Variants in FREM1 observed in about 807,000 individuals in gnomAD.
The protein encoded by FREM1 is FRAS1 related extracellular matrix 1.
In FREM1, 220 loss-of-function variants were observed where a neutral mutation model predicts 210.1. The observed-to-expected ratio is 1.05, with a 90% CI of 0.94 to 1.17. FREM1 has a LOEUF of 1.17. Ranked by LOEUF, FREM1 falls within the 50% of genes most tolerant of loss-of-function variation. FREM1 has a pLI of 0.00. For missense variants in FREM1, 3,454 were observed against 2,675.5 expected (o/e 1.29, Z -6.42); for synonymous variants, 1,189 against 980.2 (o/e 1.21, Z -3.98).
In FREM1 at chr9:14,784,592, C is replaced by T. The variant is rs1284095682; in HGVS notation, c.4220G>A (p.Gly1407Asp). ...GGTGGTTGTTAAGAAACCTCTATCA[C>T]CTTTAGACACCACGAGTGGTTTTGT... The part of the protein sequence containing the change: ...ILTKPLVVSK[G>D]DRGFLTTTTL... The change falls in exon 24 of 37, where the codon GGT becomes GAT. Residue 1407 changes from glycine to aspartate, a missense_variant. Coordinates refer to ENST00000380880, the MANE Select transcript of FREM1 (RefSeq NM_001379081.2). The T allele has an allele frequency of 4.4e-6, 7 of 1,605,706 alleles. No individual in the cohort carries two copies. Among genetic ancestry groups the T allele is most frequent in the Non-Finnish European group, 6.0e-6 (7 of 1,175,446 alleles).
intron 3 of FREM1, among the ~76,000 whole-genome samples, chr9:14,861,503 CTTTTT>C (rs775845478): frequency 6.1e-5 from 7 of 114,894 alleles, no homozygotes; most frequent in African/African-American, 2.3e-4. Flanking sequence ...AGCATTTATC[CTTTTT>C]TTTTTTTTTT....
rs186402410 is a variant in FREM1, at chr9:14,829,841, T to C, written c.1882-4849A>G. On this transcript the variant is annotated intron_variant, in intron 10 of 36. Coordinates refer to ENST00000380880, the MANE Select transcript of FREM1 (RefSeq NM_001379081.2). ...ACTTGGTAGACAGCTTTATAGACCTTAAGCCTTAAGAGATCTTAATCCAGG... is the reference window on the plus strand; with the variant it reads ...ACTTGGTAGACAGCTTTATAGACCTCAAGCCTTAAGAGATCTTAATCCAGG... Among the ~76,000 whole-genome samples, 4 of 152,270 alleles carry C rather than the reference T, an allele frequency of 2.6e-5. No individual in the cohort carries two copies. The East Asian group carries it at 7.7e-4, about 29-fold the overall frequency.
At chr9:14,794,362 C>T (rs925802820) in intron 21 of FREM1, among the ~76,000 whole-genome samples, 1 of 152,154 alleles carries the variant, frequency 6.6e-6, no homozygotes, top group Admixed American at 6.5e-5. Context: ...GAAGCTGGAG[C>T]ATTTATCTTA....
At chr9:14,833,309 C>T (rs1823923184) in intron 10 of FREM1, among the ~76,000 whole-genome samples, 3 of 152,224 alleles carry the variant, frequency 2.0e-5, no homozygotes. Flanking sequence ...TTGGTCTTCC[C>T]CAGGCAAGAG....
chr9:14,846,395 C>A (rs1717514038), intron 7 of FREM1, among the ~76,000 whole-genome samples: 1 of 152,044 alleles, frequency 6.6e-6, no homozygotes, highest in African/African-American at 2.4e-5. Flanking sequence ...AGCATTAGGA[C>A]AAATATCTAA....
rs373880888 is a variant in FREM1 at position 14,770,723 on chromosome 9, G to T, written c.4941C>A (p.Tyr1647Ter). 1.9e-6 allele frequency: 3 copies of T among 1,613,340 alleles called. No homozygotes were observed. The highest frequency in any genetic ancestry group is 3.3e-5 in the Admixed American group (2 of 59,978). ...ACACGCGGGAAGTGATGTAAATCCC[G>T]TAGCAGCCATTTTTCAGGAGCCCCA... ...SQVGLLKNGCYGIYITSRVLK... is the reference protein window; with the variant it reads ...SQVGLLKNGC The change falls in exon 26 of 37, where the codon TAC becomes TAA. Residue 1647 changes from tyrosine to a stop codon, truncating the protein, a stop_gained. Coordinates refer to ENST00000380880, the MANE Select transcript of FREM1 (RefSeq NM_001379081.2). LOFTEE classifies it high-confidence loss of function.
chr9:14,776,296 G>T (rs1848564725), intron 24 of FREM1, 93 bp from the exon 25 acceptor site: 10 of 1,357,656 alleles, frequency 7.4e-6, no homozygotes, highest in Middle Eastern at 1.9e-4. Flanking sequence ...TTACTAAAGG[G>T]TATTGTCGTG....
intron 15 of FREM1, among the ~76,000 whole-genome samples, chr9:14,814,897 A>C (rs1409811494): frequency 1.3e-5 from 2 of 152,202 alleles, no homozygotes; most frequent in Non-Finnish European, 2.9e-5. Flanking sequence ...TGTTTTCCCA[A>C]AATGCACTGC....
intron 8 of FREM1, among the ~76,000 whole-genome samples, chr9:14,843,695 A>T (rs1216251495): frequency 7.2e-5 from 11 of 151,866 alleles, no homozygotes; most frequent in Non-Finnish European, 1.3e-4. Context: ...ACCATCTTAC[A>T]TGGCAGCAGT....
At chr9:14,827,205 C>T (rs959183577) in intron 10 of FREM1, among the ~76,000 whole-genome samples, 1 of 152,078 alleles carries the variant, frequency 6.6e-6, no homozygotes, top group African/African-American at 2.4e-5. Context: ...TAGAGATTAC[C>T]TAAGTGGTCA....
Position 14,859,298 on chromosome 9 carries a change from G to A in FREM1, c.516C>T (p.Thr172=), listed in dbSNP as rs41265310. 0.018 allele frequency: 28,592 copies of A among 1,613,684 alleles called. 339 individuals are homozygous for A. Among genetic ancestry groups the A allele is most frequent in the South Asian group, 0.033 (3,040 of 91,058 alleles). Residue 172 remains threonine (T), a synonymous_variant, in exon 4 of 37, where the codon ACC becomes ACT. Transcript: ENST00000380880. ...GAGTTCTCGCAGTGTCCAGGCTGAC[G>A]GTACATTCCAGGCTAGCCATCCTAT... ...DYDRMASLEC[T]VSLDTARTRL...
rs1435685319 is a variant in FREM1, at chr9:14,836,675, C to T, written c.1881+4772G>A. On this transcript the variant is annotated intron_variant, in intron 10 of 36. Transcript: ENST00000380880. This position sits in a 1 kb window ranked among gnomAD's most constrained non-coding sequence, Gnocchi z 4.9. ...CTATGACTCAAATTGTTTCTTCTCG[C>T]CTAAAAGCAATCAAACTCCAAATGG... Among the ~76,000 whole-genome samples, 2 of 152,150 alleles carry T rather than the reference C, an allele frequency of 1.3e-5. No individual in the cohort carries two copies. The highest frequency in any genetic ancestry group is 2.9e-5 in the Non-Finnish European group (2 of 68,026).
chr9:14,909,846 T>G (rs1433975005), intron 1 of FREM1, 68 bp downstream of exon 1: 1 of 152,204 alleles, frequency 6.6e-6, no homozygotes, highest in Non-Finnish European at 1.5e-5. Context: ...ACAAACAATC[T>G]CTGGGGCATT....
At chr9:14,813,094 G>A (rs758085025) in intron 15 of FREM1, 30 bp from the exon 16 acceptor site, 11 of 1,574,510 alleles carry the variant, frequency 7.0e-6, no homozygotes, top group African/African-American at 1.4e-5. Flanking sequence ...CATGTTTTCA[G>A]AAAAAGAAAG....
At chr9:14,777,123 A>T (rs562922469) in intron 24 of FREM1, among the ~76,000 whole-genome samples, 1 of 152,306 alleles carries the variant, frequency 6.6e-6, no homozygotes, top group South Asian at 2.1e-4. Flanking sequence ...GTGCCTGAGC[A>T]CCATTGCAAA....
intron 4 of FREM1, 46 bp downstream of exon 4, chr9:14,859,137 T>C (rs1829334562): frequency 6.9e-7 from 1 of 1,452,940 alleles, no homozygotes; most frequent in Non-Finnish European, 9.3e-7. Flanking sequence ...ATGGATATTT[T>C]TGTCAGTTTT....
At position 14,759,518 on chromosome 9, in the gene FREM1, C is replaced by CAATAAT. The variant is rs6150928; in HGVS notation, c.5334+248_5334+253dup. 1.3e-4 allele frequency among the ~76,000 whole-genome samples: 19 copies of CAATAAT among 143,042 alleles called. 1 individual carries two copies. Among genetic ancestry groups the CAATAAT allele is most frequent in the South Asian group, 4.5e-4 (2 of 4,422 alleles). 93.8% of individuals were successfully genotyped at this position (143,042 alleles called of 152,430 possible). On this transcript the variant is annotated intron_variant, in intron 28 of 36. Coordinates refer to ENST00000380880, the MANE Select transcript of FREM1 (RefSeq NM_001379081.2). ...AGAGCGAGACTTTGTCTCAAAATAA[C>CAATAAT]AATAATAATAATAATATCTCTTGTG...
rs768887075 is a variant in FREM1, at chr9:14,770,738, C to T, written c.4926G>A (p.Leu1642=). The change falls in exon 26 of 37, where the codon CTG becomes CTA. Residue 1642 remains leucine (L), a synonymous_variant. Transcript: ENST00000380880. The stretch of plus-strand genomic sequence containing the variant: ...TGTAAATCCCGTAGCAGCCATTTTT[C>T]AGGAGCCCCACTTGAGAAGGGGAAT... ...LLHSPSQVGL[L]KNGCYGIYIT... 2 of 1,613,546 alleles carry T rather than the reference C, an allele frequency of 1.2e-6. No individual in the cohort carries two copies. The highest frequency in any genetic ancestry group is 1.3e-5 in the African/African-American group (1 of 75,006).
chr9:14,850,226 G>C (rs1477399256), intron 6 of FREM1, among the ~76,000 whole-genome samples: 1 of 152,162 alleles, frequency 6.6e-6, no homozygotes, highest in East Asian at 1.9e-4. Flanking sequence ...ACAAAACAGA[G>C]GAGAGAGGTG....
Sources: allele counts gnomAD v4.1 joint callset (sites outside exome capture counted in the v4.1 genomes callset), GRCh38; gene constraint gnomAD v4.1.1; non-coding constraint Gnocchi (gnomAD v3.1); transcripts MANE v1.5; gene names NCBI Gene and HGNC (gene_info 2026-07-23, HGNC 2026-07-21).